SHANK2: variants seen among roughly 807,000 people sequenced by gnomAD.
SHANK2 encodes SH3 and multiple ankyrin repeat domains 2.
A neutral mutation model predicts 133.7 loss-of-function variants in SHANK2; 43 were observed. The observed-to-expected ratio is 0.32, with a 90% confidence interval of 0.25 to 0.41. The LOEUF (loss-of-function observed/expected upper bound fraction) is 0.41, where lower values mean the gene tolerates loss of function less well. Among genes scored for constraint, SHANK2 ranks in the 10% least tolerant of loss-of-function variants. The pLI is 1.00. For missense variants in SHANK2, 1,994 were observed against 2,235.8 expected, an observed-to-expected ratio of 0.89 and a Z score of 2.18; for synonymous variants, 1,017 against 952.8, an observed-to-expected ratio of 1.07 and a Z score of -1.24.
At chr11:70,832,909 G>A (rs1198195633) in intron 11 of SHANK2, among the ~76,000 whole-genome samples, 16 of 152,102 alleles carry the variant, frequency 1.1e-4, no homozygotes, top group African/African-American at 2.7e-4. Context: ...CAGCTAGGCT[G>A]TTGTCCTCAG....
intron 17 of SHANK2, among the ~76,000 whole-genome samples, chr11:70,531,471 C>G (rs78482873): frequency 2.1e-3 from 323 of 152,294 alleles, no homozygotes; most frequent in African/African-American, 7.2e-3. Context: ...CTGACTGCCT[C>G]GCGGGTGGAC....
Position 70,954,452 on chromosome 11 carries a change from T to A in SHANK2, c.1108-57885A>T, listed in dbSNP as rs1285819221. 2.0e-5 allele frequency among the ~76,000 whole-genome samples: 3 copies of A among 152,198 alleles called. 1 individual carries two copies. The highest frequency in any genetic ancestry group is 2.0e-4 in the Admixed American group (3 of 15,286). On this transcript the variant is annotated intron_variant, in intron 10 of 25. Coordinates refer to ENST00000601538, the MANE Select transcript of SHANK2 (RefSeq NM_012309.5). The stretch of plus-strand genomic sequence containing the variant: ...CTACCATGCGTGGCATGAGAAAATG[T>A]ACTCATCCCCCTCTGGCTAAATTGC...
At chr11:71,137,021 C>T (rs1952452271) in intron 3 of SHANK2, among the ~76,000 whole-genome samples, 1 of 152,048 alleles carries the variant, frequency 6.6e-6, no homozygotes, top group South Asian at 2.1e-4. Flanking sequence ...CGCCACCATG[C>T]CCAGCTAATT....
intron 21 of SHANK2, among the ~76,000 whole-genome samples, chr11:70,494,016 C>T (rs561073001): frequency 7.2e-5 from 11 of 152,330 alleles, no homozygotes; most frequent in Admixed American, 2.0e-4. Context: ...CCCAGAGCCA[C>T]GGCACGGATC....
At chr11:70,527,239 C>G (rs10899130) in intron 17 of SHANK2, among the ~76,000 whole-genome samples, 70,963 of 152,090 alleles carry the variant, frequency 0.47, 20,424 homozygotes, top group Non-Finnish European at 0.63. Context: ...CCTGTCCCCA[C>G]CCCCAGGACT....
upstream of SHANK2, among the ~76,000 whole-genome samples, chr11:71,252,916 T>G (rs1402054655): frequency 6.6e-6 from 1 of 152,206 alleles, no homozygotes; most frequent in Admixed American, 6.5e-5. This position sits in a 1 kb window ranked among gnomAD's most constrained non-coding sequence, Gnocchi z 6.3. Context: ...TCCGGTTCGG[T>G]CTGCACGGTT....
chr11:70,749,844 G>A (rs1555037120), intron 14 of SHANK2, among the ~76,000 whole-genome samples: 1 of 152,104 alleles, frequency 6.6e-6, no homozygotes, highest in East Asian at 1.9e-4. Flanking sequence ...AATAGACAAT[G>A]TCAGGGTTCC....
rs1555153504 is a variant in SHANK2 at position 70,486,329 on chromosome 11, T to A, written c.3964A>T (p.Thr1322Ser). The change falls in exon 25 of 26, where the codon ACT becomes TCT. Residue 1322 changes from threonine to serine, a missense_variant. By Grantham distance (58) the Thr-to-Ser change is moderately conservative. Transcript: ENST00000601538. This position sits in a 1 kb window ranked among gnomAD's most constrained non-coding sequence, Gnocchi z 8.0. ...TCCTGCAGGGCGTTGTCCAGCTTAG[T>A]GGCGTCCACGGTGTGCACCATCAGC... ...GLLMVHTVDA[T>S]KLDNALQEED... The A allele has an allele frequency of 6.2e-7, 1 of 1,613,962 alleles. No homozygotes were observed. The highest frequency in any genetic ancestry group is 8.5e-7 in the Non-Finnish European group (1 of 1,180,026).
At chr11:70,718,801 T>C (rs193245548) in intron 14 of SHANK2, among the ~76,000 whole-genome samples, 1 of 149,658 alleles carries the variant, frequency 6.7e-6, no homozygotes, top group African/African-American at 2.5e-5. Flanking sequence ...AGAAAACGGA[T>C]TAGAAGGGGT....
intron 17 of SHANK2, among the ~76,000 whole-genome samples, chr11:70,553,247 G>C (rs782089350): frequency 6.6e-6 from 1 of 151,802 alleles, no homozygotes; most frequent in Non-Finnish European, 1.5e-5. Context: ...CCACCACCAC[G>C]CCAGGCTAAT....
chr11:70,795,780 A>G (rs1015389928), intron 14 of SHANK2, among the ~76,000 whole-genome samples: 3 of 152,006 alleles, frequency 2.0e-5, no homozygotes, highest in African/African-American at 7.3e-5. Flanking sequence ...TGGAAGAAGG[A>G]CCCTACCAAC....
At chr11:70,781,544 A>G (rs1947488673) in intron 14 of SHANK2, among the ~76,000 whole-genome samples, 1 of 122,234 alleles carries the variant, frequency 8.2e-6, no homozygotes, top group South Asian at 2.8e-4. Flanking sequence ...AGCAGCTTGC[A>G]ATTTACTTAC....
chr11:70,710,694 C>T (rs116697418), intron 14 of SHANK2, among the ~76,000 whole-genome samples: 55 of 152,282 alleles, frequency 3.6e-4, no homozygotes, highest in African/African-American at 1.3e-3. Flanking sequence ...ACTCAGGGAG[C>T]CAAATCCTGC....
At chr11:71,094,749 T>C in intron 6 of SHANK2, 61 bp from the exon 7 acceptor site, 9 of 1,501,656 alleles carry the variant, frequency 6.0e-6, no homozygotes, top group Non-Finnish European at 8.1e-6. Context: ...CACAAAGCCA[T>C]ATTCAGATGC....
At chr11:71,206,517 A>T (rs1035509882) in intron 2 of SHANK2, among the ~76,000 whole-genome samples, 1 of 152,218 alleles carries the variant, frequency 6.6e-6, no homozygotes, top group Non-Finnish European at 1.5e-5. Context: ...ACATCCACGC[A>T]GAGAGATCGC....
intron 3 of SHANK2, among the ~76,000 whole-genome samples, chr11:71,146,811 C>T (rs1231913791): frequency 6.6e-6 from 1 of 152,184 alleles, no homozygotes; most frequent in Non-Finnish European, 1.5e-5. Flanking sequence ...GGCTGTGAAA[C>T]ACTCCTCTCC....
intron 4 of SHANK2, among the ~76,000 whole-genome samples, chr11:71,118,427 G>A (rs1456217345): frequency 4.6e-5 from 7 of 152,160 alleles, no homozygotes; most frequent in African/African-American, 1.4e-4. Flanking sequence ...GGTGGAAGGC[G>A]AAGGGAAAGC....
At chr11:71,100,778 A>G (rs1283463482) in intron 6 of SHANK2, among the ~76,000 whole-genome samples, 1 of 151,824 alleles carries the variant, frequency 6.6e-6, no homozygotes, top group Non-Finnish European at 1.5e-5. Context: ...GAGGCAGGAG[A>G]ATTGCTTGAA....
At chr11:70,608,331 G>A (rs2060607749) in intron 17 of SHANK2, among the ~76,000 whole-genome samples, 1 of 152,130 alleles carries the variant, frequency 6.6e-6, no homozygotes, top group Admixed American at 6.5e-5. Context: ...TACTGACTGG[G>A]CTACAGGAGG....
Sources: allele counts gnomAD v4.1 joint callset (sites outside exome capture counted in the v4.1 genomes callset), GRCh38; gene constraint gnomAD v4.1.1; non-coding constraint Gnocchi (gnomAD v3.1); transcripts MANE v1.5; gene names NCBI Gene and HGNC (gene_info 2026-07-23, HGNC 2026-07-21).